SGCZ: variants seen among roughly 807,000 people sequenced by gnomAD.
SGCZ encodes the protein sarcoglycan zeta.
SGCZ carries 40 observed loss-of-function variants against 41.3 expected under a neutral mutation model. The observed-to-expected ratio is 0.97, with a 90% CI of 0.75 to 1.26. The LOEUF is 1.26. Ranked by LOEUF, SGCZ falls within the 50% of genes most tolerant of loss-of-function variation. The pLI is 0.00. For missense variants in SGCZ, 552 were observed against 369.8 expected, an observed-to-expected ratio of 1.49 and a Z score of -4.04; for synonymous variants, 206 against 137.5, an observed-to-expected ratio of 1.50 and a Z score of -3.49.
At chr8:14,587,001 A>G (rs897702620) in intron 1 of SGCZ, among the ~76,000 whole-genome samples, 1 of 151,840 alleles carries the variant, frequency 6.6e-6, no homozygotes, top group Admixed American at 6.6e-5. Flanking sequence ...TATTATTTAC[A>G]GAATATCCTT....
intron 3 of SGCZ, among the ~76,000 whole-genome samples, chr8:14,314,500 T>A (rs755695989): frequency 6.6e-6 from 1 of 152,170 alleles, no homozygotes; most frequent in Non-Finnish European, 1.5e-5. Flanking sequence ...TTAGGTTGCA[T>A]GATTTGAGGC....
rs780485590 is a variant in SGCZ, at chr8:14,089,418, C to T, written c.*1025G>A. ...ATGGAGAATAATTCTGAAGATGATA[C>T]CCCAATGGAAAGAGAATTTATTCTC... On this transcript the variant is annotated 3_prime_UTR_variant, in exon 8 of 8. Transcript: ENST00000382080. 2.6e-5 allele frequency among the ~76,000 whole-genome samples: 4 copies of T among 151,866 alleles called. No individual in the cohort carries two copies. The highest frequency in any genetic ancestry group is 4.4e-5 in the Non-Finnish European group (3 of 67,896).
At chr8:14,438,247 G>C (rs1439195054) in intron 2 of SGCZ, among the ~76,000 whole-genome samples, 2 of 151,808 alleles carry the variant, frequency 1.3e-5, no homozygotes, top group Non-Finnish European at 2.9e-5. Context: ...AGTTCTAAAA[G>C]GAATCATGGA....
chr8:14,438,705 T>C lies in SGCZ; in HGVS notation c.235-114501A>G, dbSNP rs187312141. Among the ~76,000 whole-genome samples, 247 of 152,162 alleles carry C rather than the reference T, an allele frequency of 1.6e-3. 1 individual carries two copies. The highest frequency in any genetic ancestry group is 2.3e-3 in the Non-Finnish European group (158 of 67,922). On this transcript the variant is annotated intron_variant, in intron 2 of 7. Transcript: ENST00000382080. ...TTTCATGAGGCTAAAATAAGATTTT[T>C]CAGTAATACTTAATTTTAATTTTTT...
chr8:14,780,644 G>A (rs7812481), intron 1 of SGCZ, among the ~76,000 whole-genome samples: 16,529 of 151,916 alleles, frequency 0.11, 1,331 homozygotes, highest in East Asian at 0.23. Context: ...TCTAAGAAGG[G>A]AGCTGATCAT....
intron 1 of SGCZ, among the ~76,000 whole-genome samples, chr8:14,665,014 ACT>A (rs1388879856): frequency 6.6e-6 from 1 of 150,868 alleles, no homozygotes; most frequent in African/African-American, 2.4e-5. Context: ...TGGCATTAAA[ACT>A]CTTTTTTAAA....
intron 1 of SGCZ, among the ~76,000 whole-genome samples, chr8:14,625,915 G>C (rs1585135188): frequency 6.6e-6 from 1 of 152,094 alleles, no homozygotes; most frequent in Non-Finnish European, 1.5e-5. Context: ...TGGACTACTT[G>C]GAAAATGGAT....
intron 2 of SGCZ, among the ~76,000 whole-genome samples, chr8:14,469,235 C>A (rs1354320351): frequency 2.0e-5 from 3 of 152,110 alleles, no homozygotes; most frequent in Non-Finnish European, 2.9e-5. Context: ...TACAGAAAGA[C>A]AACCTCAGCA....
At chr8:14,802,453 T>A (rs1438415419) in intron 1 of SGCZ, among the ~76,000 whole-genome samples, 1 of 152,206 alleles carries the variant, frequency 6.6e-6, no homozygotes, top group African/African-American at 2.4e-5. Context: ...TGACACTTCA[T>A]AAATACCCCC....
At chr8:14,291,233 G>C (rs572582537) in intron 3 of SGCZ, among the ~76,000 whole-genome samples, 23 of 152,142 alleles carry the variant, frequency 1.5e-4, no homozygotes, top group African/African-American at 5.5e-4. Context: ...GGTATCTATT[G>C]CCTAGTAGGT....
At chr8:14,877,981 C>G (rs1204810991) in intron 1 of SGCZ, among the ~76,000 whole-genome samples, 1 of 151,754 alleles carries the variant, frequency 6.6e-6, no homozygotes, top group African/African-American at 2.4e-5. Flanking sequence ...AGATGAATAT[C>G]CTTTTAAACA....
intron 1 of SGCZ, among the ~76,000 whole-genome samples, chr8:14,691,626 AG>A (rs1278055882): frequency 6.6e-6 from 1 of 152,108 alleles, no homozygotes; most frequent in Non-Finnish European, 1.5e-5. Context: ...CTAAAAAAAA[AG>A]GAATATTTGA....
chr8:14,410,371 A>G (rs955682327), intron 2 of SGCZ, among the ~76,000 whole-genome samples: 1 of 150,094 alleles, frequency 6.7e-6, no homozygotes, highest in African/African-American at 2.5e-5. Context: ...CCAAAAGGTA[A>G]AAGTAACTTA....
intron 4 of SGCZ, among the ~76,000 whole-genome samples, chr8:14,228,904 C>T (rs377302917): frequency 5.1e-4 from 77 of 152,208 alleles, no homozygotes; most frequent in African/African-American, 1.8e-3. Flanking sequence ...AGATTAGCTA[C>T]CCTTGGTCTT....
chr8:14,715,551 CACACACACA>C lies in SGCZ; in HGVS notation c.40-160634_40-160626del, dbSNP rs567968226. Among the ~76,000 whole-genome samples, 67 of 140,226 alleles carry C rather than the reference CACACACACA, an allele frequency of 4.8e-4. 1 individual carries two copies. Among genetic ancestry groups the C allele is most frequent in the African/African-American group, 1.8e-3 (64 of 35,832 alleles). 92.0% of individuals were successfully genotyped at this position (140,226 alleles called of 152,430 possible). On this transcript the variant is annotated intron_variant, in intron 1 of 7. Coordinates refer to ENST00000382080, the MANE Select transcript of SGCZ (RefSeq NM_139167.4). ...ATCCTCCACCACACACACACACACA[CACACACACA>C]AACATGCACACATAAAAACAGGATT...
At chr8:14,386,216 G>T (rs1804571337) in intron 2 of SGCZ, among the ~76,000 whole-genome samples, 2 of 151,478 alleles carry the variant, frequency 1.3e-5, no homozygotes, top group African/African-American at 4.9e-5. Context: ...ATTGAAGGTT[G>T]AATGCCTGAT....
At chr8:14,820,192 T>A (rs1802032572) in intron 1 of SGCZ, among the ~76,000 whole-genome samples, 1 of 151,960 alleles carries the variant, frequency 6.6e-6, no homozygotes, top group Non-Finnish European at 1.5e-5. Flanking sequence ...GAAAAAGACA[T>A]TTCAGGCAAA....
chr8:14,369,319 A>T (rs1345802975), intron 2 of SGCZ, among the ~76,000 whole-genome samples: 1 of 151,880 alleles, frequency 6.6e-6, no homozygotes, highest in East Asian at 1.9e-4. Context: ...TCATGACCTT[A>T]ACATTTTAGA....
At chr8:14,414,566 G>A (rs1487038381) in intron 2 of SGCZ, among the ~76,000 whole-genome samples, 1 of 151,918 alleles carries the variant, frequency 6.6e-6, no homozygotes, top group Non-Finnish European at 1.5e-5. Context: ...GTATTAACAA[G>A]TCATGGAATT....
Sources: gnomAD v4.1 joint callset for allele counts (sites outside exome capture counted in the v4.1 genomes callset) on GRCh38, gnomAD v4.1.1 for gene constraint, MANE v1.5 for transcripts, NCBI Gene and HGNC (gene_info 2026-07-23, HGNC 2026-07-21) for gene names.